PTPRG: variants seen among roughly 807,000 people sequenced by gnomAD.
The protein encoded by PTPRG is receptor-type tyrosine-protein phosphatase gamma.
Under a neutral mutation model 165.3 loss-of-function variants are expected in PTPRG, and 102 were observed. The ratio of observed to expected loss-of-function variants is 0.62; its 90% confidence interval spans 0.53 to 0.73. The LOEUF (loss-of-function observed/expected upper bound fraction) is 0.73. Among genes scored for constraint, PTPRG ranks in the 30% least tolerant of loss-of-function variants. The pLI, the probability that PTPRG is intolerant of heterozygous loss-of-function variation, is 0.00. For synonymous variants in PTPRG, 675 were observed against 669.5 expected (o/e 1.01, Z -0.13); for missense variants, 1,866 against 1,861.4 (o/e 1.00, Z -0.05).
At chr3:62,257,321 G>C (rs1701561013) in intron 16 of PTPRG, among the ~76,000 whole-genome samples, 1 of 152,124 alleles carries the variant, frequency 6.6e-6, no homozygotes, top group Admixed American at 6.5e-5. Flanking sequence ...AACAGAGATA[G>C]TAACAGGCTT....
intron 13 of PTPRG, among the ~76,000 whole-genome samples, chr3:62,221,869 G>C (rs1195398733): frequency 1.3e-5 from 2 of 152,222 alleles, no homozygotes; most frequent in Non-Finnish European, 2.9e-5. Context: ...CTACACTCAA[G>C]GTCTCTGAAT....
chr3:61,992,526 AT>A (rs542955360), intron 3 of PTPRG, among the ~76,000 whole-genome samples: 4 of 149,358 alleles, frequency 2.7e-5, no homozygotes, highest in South Asian at 4.3e-4. Context: ...TGCCCGGCTA[AT>A]TTTTTTTTTG....
At chr3:61,936,288 G>T (rs551742194) in intron 2 of PTPRG, among the ~76,000 whole-genome samples, 1 of 152,198 alleles carries the variant, frequency 6.6e-6, no homozygotes, top group African/African-American at 2.4e-5. Context: ...TGTGGGACAG[G>T]TACTAGTTCT....
At chr3:62,282,035 G>T (rs981147559) in intron 27 of PTPRG, among the ~76,000 whole-genome samples, 1 of 151,938 alleles carries the variant, frequency 6.6e-6, no homozygotes, top group Non-Finnish European at 1.5e-5. Flanking sequence ...ATAATACTAA[G>T]TTTTTTTAAG....
In PTPRG at chr3:62,217,174, A is replaced by C. The variant is rs1375167181; in HGVS notation, c.2156-1677A>C. Among the ~76,000 whole-genome samples, 1 of 152,182 alleles carries C rather than the reference A, an allele frequency of 6.6e-6. No homozygotes were observed. The highest frequency in any genetic ancestry group is 2.4e-5 in the African/African-American group (1 of 41,424). On this transcript the variant is annotated intron_variant, in intron 12 of 29. Transcript: ENST00000474889. The surrounding 1 kb of genome is among the most constrained non-coding windows in gnomAD (Gnocchi z 4.3). ...AGAATCTCTCCTATCTAATGAAAAAATGGAGCAGGGAGTTAGGAAAATGGG... is the reference window on the plus strand; with the variant it reads ...AGAATCTCTCCTATCTAATGAAAAACTGGAGCAGGGAGTTAGGAAAATGGG...
intron 1 of PTPRG, among the ~76,000 whole-genome samples, chr3:61,639,228 C>T (rs1483636664): frequency 1.3e-5 from 2 of 152,024 alleles, no homozygotes; most frequent in Non-Finnish European, 2.9e-5. Context: ...CAATGTATGG[C>T]TTTATTTCTG....
At position 62,231,215 on chromosome 3, in the gene PTPRG, G is replaced by T. The variant is rs1434110664; in HGVS notation, c.2289-10G>T. 2.0e-6 allele frequency: 3 copies of T among 1,531,122 alleles called. No individual in the cohort carries two copies. The highest frequency in any genetic ancestry group is 8.8e-7 in the Non-Finnish European group (1 of 1,139,476). The allele number at this position is 1,531,122 out of a possible 1,614,324, so 94.8% of individuals were successfully genotyped here. On this transcript the variant is annotated splice_polypyrimidine_tract_variant and intron_variant, in intron 13 of 29. Transcript: ENST00000474889. ...CTACACCTGTTCTCTTTTGTTTTTT[G>T]TCCATTTAGAGGGTGTAACAAAATA...
chr3:61,847,797 T>C (rs557259763), intron 2 of PTPRG, among the ~76,000 whole-genome samples: 96 of 152,350 alleles, frequency 6.3e-4, no homozygotes, highest in African/African-American at 2.1e-3. Flanking sequence ...TGTCCAGATA[T>C]TCACAGAGAC....
intron 6 of PTPRG, among the ~76,000 whole-genome samples, chr3:62,144,509 AT>A (rs1576058950): frequency 1.3e-5 from 2 of 152,236 alleles, no homozygotes; most frequent in Admixed American, 1.3e-4. Context: ...ACATCTCAAC[AT>A]GCAACAAAGT....
chr3:61,960,501 A>G (rs923169600), intron 2 of PTPRG, among the ~76,000 whole-genome samples: 1 of 152,072 alleles, frequency 6.6e-6, no homozygotes, highest in Non-Finnish European at 1.5e-5. Flanking sequence ...CATAAACCTA[A>G]GTTATGAAGT....
intron 2 of PTPRG, among the ~76,000 whole-genome samples, chr3:61,786,181 G>T (rs756381882): frequency 6.6e-6 from 1 of 152,198 alleles, no homozygotes; most frequent in Non-Finnish European, 1.5e-5. Flanking sequence ...AGTAGGTAGT[G>T]TCAGATGTGC....
intron 12 of PTPRG, among the ~76,000 whole-genome samples, chr3:62,211,118 G>C (rs1358612929): frequency 6.6e-6 from 1 of 152,158 alleles, no homozygotes; most frequent in African/African-American, 2.4e-5. Context: ...TCATCAATGA[G>C]TGAATGGATA....
chr3:61,595,151 A>T (rs1240400241), intron 1 of PTPRG, among the ~76,000 whole-genome samples: 1 of 151,128 alleles, frequency 6.6e-6, no homozygotes, highest in African/African-American at 2.4e-5. Context: ...ATAATCTCCC[A>T]CTTCCCCTGG....
chr3:62,209,319 C>A (rs1047367616), intron 12 of PTPRG, among the ~76,000 whole-genome samples: 1 of 152,134 alleles, frequency 6.6e-6, no homozygotes, highest in Admixed American at 6.5e-5. Context: ...CAACAGGAAC[C>A]ATCTGGTCAA....
intron 4 of PTPRG, among the ~76,000 whole-genome samples, chr3:62,053,415 C>T (rs1700529316): frequency 2.0e-5 from 3 of 151,972 alleles, no homozygotes; most frequent in East Asian, 1.9e-4. Context: ...TACAGGCGTC[C>T]GCCATCACAC....
chr3:62,230,308 G>T (rs377679917), intron 13 of PTPRG, among the ~76,000 whole-genome samples: 3 of 152,076 alleles, frequency 2.0e-5, no homozygotes, highest in Non-Finnish European at 2.9e-5. Flanking sequence ...AACCACCAGC[G>T]GACTCAATAG....
Position 62,078,192 on chromosome 3 carries a change from C to A in PTPRG, c.549C>A (p.Asp183Glu), listed in dbSNP as rs747958857. The change falls in exon 5 of 30, where the codon GAC becomes GAA. Residue 183 changes from aspartate (D) to glutamate (E), a missense_variant. Asp to Glu is a conservative substitution (Grantham distance 45). This residue lies in a region of PTPRG where 408 missense variants were observed against 376.2 expected (regional missense o/e 1.08). Coordinates refer to ENST00000474889, the MANE Select transcript of PTPRG (RefSeq NM_002841.4). ...EMQIFFYNPDDFDSFQTAISE... is the reference protein window; with the variant it reads ...EMQIFFYNPDEFDSFQTAISE... Reference sequence around the variant, plus strand: ...AGATTTTCTTTTACAATCCAGATGACTTTGACAGCTTTCAAACCGCAATTT... The same window carrying A: ...AGATTTTCTTTTACAATCCAGATGAATTTGACAGCTTTCAAACCGCAATTT... 1 of 1,607,918 alleles carries A rather than the reference C, an allele frequency of 6.2e-7. No individual in the cohort carries two copies. Among genetic ancestry groups the A allele is most frequent in the South Asian group, 1.1e-5 (1 of 89,386 alleles).
chr3:61,843,334 A>T (rs905252599), intron 2 of PTPRG, among the ~76,000 whole-genome samples: 1 of 152,226 alleles, frequency 6.6e-6, no homozygotes, highest in African/African-American at 2.4e-5. Context: ...GCCAATATAG[A>T]TTATTATATT....
At chr3:62,135,027 C>G (rs1161290533) in intron 6 of PTPRG, among the ~76,000 whole-genome samples, 2 of 152,052 alleles carry the variant, frequency 1.3e-5, no homozygotes, top group African/African-American at 4.8e-5. Flanking sequence ...AATCCCAGAA[C>G]TTTGGGAGGC....
Sources: gnomAD v4.1 joint callset for allele counts (sites outside exome capture counted in the v4.1 genomes callset) on GRCh38, gnomAD v4.1.1 for gene constraint, gnomAD v4.1.1 regional missense constraint, Gnocchi (gnomAD v3.1) non-coding constraint, MANE v1.5 for transcripts, NCBI Gene and HGNC (gene_info 2026-07-23, HGNC 2026-07-21) for gene names.